FER1L6: variants seen among roughly 807,000 people sequenced by gnomAD.
FER1L6 encodes fer-1-like protein 6.
FER1L6 carries 177 observed loss-of-function variants against 219.2 expected under a neutral mutation model. The ratio of observed to expected loss-of-function variants is 0.81; its 90% confidence interval spans 0.71 to 0.91. The LOEUF (loss-of-function observed/expected upper bound fraction) is 0.91, where lower values mean the gene tolerates loss of function less well. FER1L6 is among the 40% of genes least tolerant of loss of function. The pLI, the probability that FER1L6 is intolerant of heterozygous loss-of-function variation, is 0.00. For synonymous variants in FER1L6, 768 were observed against 824.3 expected, an observed-to-expected ratio of 0.93 and a Z score of 1.17; for missense variants, 2,153 against 2,259.9, an observed-to-expected ratio of 0.95 and a Z score of 0.96.
intron 1 of FER1L6, among the ~76,000 whole-genome samples, chr8:123,887,856 G>A (rs1308929403): frequency 6.6e-6 from 1 of 152,150 alleles, no homozygotes; most frequent in Non-Finnish European, 1.5e-5. Flanking sequence ...CTCTGTCTTT[G>A]TGCAGATCCA....
intron 37 of FER1L6, among the ~76,000 whole-genome samples, chr8:124,099,999 C>A (rs1485249776): frequency 6.6e-6 from 1 of 152,154 alleles, no homozygotes; most frequent in South Asian, 2.1e-4. Context: ...CCCTAACACT[C>A]CCCTGGCGTC....
At chr8:123,925,557 T>C (rs1464495773) in intron 1 of FER1L6, among the ~76,000 whole-genome samples, 1 of 152,216 alleles carries the variant, frequency 6.6e-6, no homozygotes, top group Admixed American at 6.5e-5. Context: ...TTGGCAATTC[T>C]GTGAAATTGG....
At chr8:124,081,742 A>T (rs926999803) in intron 32 of FER1L6, among the ~76,000 whole-genome samples, 8 of 152,078 alleles carry the variant, frequency 5.3e-5, no homozygotes, top group Admixed American at 6.5e-5. Context: ...AAATAAATGT[A>T]GCTGGTACTT....
At chr8:124,078,863 C>T (rs890062196) in intron 32 of FER1L6, among the ~76,000 whole-genome samples, 1 of 152,168 alleles carries the variant, frequency 6.6e-6, no homozygotes, top group Admixed American at 6.5e-5. Flanking sequence ...CCCAGGGCTT[C>T]CTTAACAAAG....
intron 22 of FER1L6, among the ~76,000 whole-genome samples, chr8:124,054,185 C>T (rs1820177170): frequency 6.6e-6 from 1 of 152,208 alleles, no homozygotes; most frequent in Admixed American, 6.5e-5. Context: ...TTCCTGTTCA[C>T]TCCATCCTCC....
chr8:123,979,757 T>C (rs1816239609), intron 10 of FER1L6, among the ~76,000 whole-genome samples: 1 of 152,228 alleles, frequency 6.6e-6, no homozygotes, highest in Non-Finnish European at 1.5e-5. Context: ...CTTGAACCAG[T>C]TAGCCTTCTA....
At chr8:123,953,457 A>C (rs1279950172) in intron 1 of FER1L6, among the ~76,000 whole-genome samples, 1 of 152,162 alleles carries the variant, frequency 6.6e-6, no homozygotes, top group Non-Finnish European at 1.5e-5. Flanking sequence ...AGGCGACTCC[A>C]ATGGGCAGCA....
intron 12 of FER1L6, among the ~76,000 whole-genome samples, chr8:123,991,432 G>A (rs918305491): frequency 6.6e-6 from 1 of 151,538 alleles, no homozygotes; most frequent in Non-Finnish European, 1.5e-5. Flanking sequence ...CCTTGGTTAA[G>A]TATATTCCTA....
chr8:124,069,525 C>T, intron 29 of FER1L6, 50 bp downstream of exon 29: 1 of 1,353,700 alleles, frequency 7.4e-7, no homozygotes, highest in Non-Finnish European at 1.0e-6. Flanking sequence ...GGATGCTCAG[C>T]AATGAGGTTC....
intron 16 of FER1L6, among the ~76,000 whole-genome samples, chr8:124,019,994 C>G (rs559320478): frequency 2.0e-5 from 3 of 152,066 alleles, no homozygotes; most frequent in Non-Finnish European, 2.9e-5. Flanking sequence ...GGCTGTGTCC[C>G]CACCCAAATC....
intron 1 of FER1L6, among the ~76,000 whole-genome samples, chr8:123,886,935 A>T (rs555143777): frequency 3.3e-5 from 5 of 152,224 alleles, no homozygotes; most frequent in South Asian, 2.1e-4. Flanking sequence ...AGTTTTTTTT[A>T]AAATAAATAT....
chr8:124,010,009 G>C (rs990385909), intron 13 of FER1L6, among the ~76,000 whole-genome samples: 4 of 152,036 alleles, frequency 2.6e-5, no homozygotes, highest in Admixed American at 2.6e-4. Context: ...ACCCGGGGAG[G>C]AGAGGTCTTG....
At chr8:123,854,337 A>G (rs568892108) in intron 1 of FER1L6, among the ~76,000 whole-genome samples, 8 of 152,262 alleles carry the variant, frequency 5.3e-5, no homozygotes, top group African/African-American at 1.9e-4. Context: ...GGGAAATCCA[A>G]GGCTCCTCCC....
At chr8:123,984,035 A>G (rs555744554) in intron 11 of FER1L6, 1 of 152,228 alleles carries the variant, frequency 6.6e-6, no homozygotes, top group Non-Finnish European at 1.5e-5. Context: ...AGGAGCCAAG[A>G]TGTGCTTCCA....
chr8:124,079,815 C>T (rs1422929286), intron 32 of FER1L6, among the ~76,000 whole-genome samples: 1 of 152,130 alleles, frequency 6.6e-6, no homozygotes, highest in Non-Finnish European at 1.5e-5. Flanking sequence ...GGGAAAATGG[C>T]TAAGATTAGA....
At chr8:123,854,971 A>G (rs2130237145) in intron 1 of FER1L6, among the ~76,000 whole-genome samples, 1 of 152,338 alleles carries the variant, frequency 6.6e-6, no homozygotes, top group Non-Finnish European at 1.5e-5. Context: ...TACATTCACA[A>G]TGGCTTACAA....
At chr8:123,962,890 A>T (rs564983356) in intron 2 of FER1L6, among the ~76,000 whole-genome samples, 1 of 152,126 alleles carries the variant, frequency 6.6e-6, no homozygotes, top group Non-Finnish European at 1.5e-5. Context: ...AGCTTCCCAA[A>T]GTGCTCGGAT....
chr8:123,865,811 G>A (rs1308859605), intron 1 of FER1L6, among the ~76,000 whole-genome samples: 5 of 151,418 alleles, frequency 3.3e-5, no homozygotes, highest in African/African-American at 9.8e-5. Flanking sequence ...CGCTTCCCAG[G>A]TGAGGCAATG....
chr8:123,943,614 C>T (rs1437237490), intron 1 of FER1L6, among the ~76,000 whole-genome samples: 2 of 152,144 alleles, frequency 1.3e-5, no homozygotes, highest in Non-Finnish European at 2.9e-5. Context: ...GGGCCGACCT[C>T]CTGGGGTCCA....
Sources: gnomAD v4.1 joint callset for allele counts (sites outside exome capture counted in the v4.1 genomes callset) on GRCh38, gnomAD v4.1.1 for gene constraint, MANE v1.5 for transcripts, NCBI Gene and HGNC (gene_info 2026-07-23, HGNC 2026-07-21) for gene names.